FHDC1: variants seen among roughly 807,000 people sequenced by gnomAD.
The protein encoded by FHDC1 is FH2 domain containing 1, also known as FH2 domain-containing protein 1.
Under a neutral mutation model 52.6 loss-of-function variants are expected in FHDC1, and 25 were observed. The observed-to-expected ratio is 0.48, with a 90% confidence interval of 0.35 to 0.66. The LOEUF (loss-of-function observed/expected upper bound fraction) is 0.66, where lower values mean the gene tolerates loss of function less well. Among genes scored for constraint, FHDC1 ranks in the 30% least tolerant of loss-of-function variants. The probability of loss-of-function intolerance (pLI) is 0.01; values close to 1 mark genes in which losing one functional copy is unlikely to be tolerated. For missense variants in FHDC1, 1,459 were observed against 1,452.8 expected (o/e 1.00, Z -0.07); for synonymous variants, 616 against 581.5 (o/e 1.06, Z -0.85).
chr4:152,959,386 A>T (rs1207602980), intron 4 of FHDC1, among the ~76,000 whole-genome samples: 1 of 152,240 alleles, frequency 6.6e-6, no homozygotes, highest in Admixed American at 6.5e-5. Flanking sequence ...TTTTGGCTAT[A>T]TACCTGTTGT....
chr4:152,967,444 A>T (rs543113999), intron 9 of FHDC1, among the ~76,000 whole-genome samples: 1 of 152,084 alleles, frequency 6.6e-6, no homozygotes, highest in East Asian at 1.9e-4. Context: ...AAAAAGTTGC[A>T]CATTTGTTAG....
Position 152,960,546 on chromosome 4 carries a change from C to G in FHDC1, c.664-19C>G, listed in dbSNP as rs1299106513. The stretch of plus-strand genomic sequence containing the variant: ...TCGTAAGTGATTTTATATACCCCCC[C>G]TTTCCATTTGTCTTTTAGGTAAAGA... On this transcript the variant is annotated intron_variant, in intron 4 of 11. Transcript: ENST00000511601. The G allele has an allele frequency of 1.2e-6, 2 of 1,602,372 alleles. No individual in the cohort carries two copies. The highest frequency in any genetic ancestry group is 1.7e-6 in the Non-Finnish European group (2 of 1,170,038).
At chr4:152,949,152 A>AAGAAGAAGAAGAAGAAGC (rs1739843420) in intron 2 of FHDC1, among the ~76,000 whole-genome samples, 1 of 142,764 alleles carries the variant, frequency 7.0e-6, no homozygotes, top group Non-Finnish European at 1.5e-5. Context: ...GAAGAAGAAG[A>AAGAAGAAGAAGAAGAAGC]AGAAGAAGAA....
At chr4:152,913,794 T>G in the FHDC1 span, among the ~76,000 whole-genome samples, 1 of 152,152 alleles carries the variant, frequency 6.6e-6, no homozygotes, top group Non-Finnish European at 1.5e-5. Context: ...TGCTTCTGCC[T>G]CTCAGCCTCC....
At chr4:152,939,840 T>C (rs2149934853) in intron 1 of FHDC1, among the ~76,000 whole-genome samples, 1 of 152,298 alleles carries the variant, frequency 6.6e-6, no homozygotes, top group Admixed American at 6.5e-5. Context: ...GTAGCTGAGA[T>C]CTTACATACA....
chr4:152,920,098 C>A, the FHDC1 span, among the ~76,000 whole-genome samples: 1 of 151,838 alleles, frequency 6.6e-6, no homozygotes, highest in Non-Finnish European at 1.5e-5. Context: ...AAGGTGCCTG[C>A]CACCACAGCT....
the FHDC1 span, among the ~76,000 whole-genome samples, chr4:152,918,623 A>C: frequency 6.6e-6 from 1 of 152,238 alleles, no homozygotes; most frequent in African/African-American, 2.4e-5. Context: ...TGAAGAAAGA[A>C]CTCAATCCAT....
intron 2 of FHDC1, among the ~76,000 whole-genome samples, chr4:152,949,537 A>G (rs1739860601): frequency 6.6e-6 from 1 of 152,242 alleles, no homozygotes; most frequent in African/African-American, 2.4e-5. Context: ...TTTTACCACA[A>G]CTGAAAAAAA....
rs1579096675 is a variant in FHDC1, at chr4:152,962,937, A to G, written c.921+53A>G. ...GTTATGTTTTCAACCTTGTCTATCT[A>G]AAGGTGTGTGTGTGTGTGTGTGTGT... is the stretch of plus-strand genomic sequence containing the variant. On this transcript the variant is annotated intron_variant, in intron 7 of 11. Coordinates refer to ENST00000511601, the MANE Select transcript of FHDC1 (RefSeq NM_001371116.1). 6 of 1,326,384 alleles carry G rather than the reference A, an allele frequency of 4.5e-6. No homozygotes were observed. In the East Asian group the frequency reaches 1.4e-4, roughly 31 times the overall value. The allele number at this position is 1,326,384 out of a possible 1,614,324, so 82.2% of individuals were successfully genotyped here. A position where few individuals can be genotyped will look rare whatever the true frequency, so the allele number is the denominator to read the frequency against.
intron 9 of FHDC1, among the ~76,000 whole-genome samples, chr4:152,966,447 A>G (rs1740458686): frequency 6.6e-6 from 1 of 152,188 alleles, no homozygotes; most frequent in South Asian, 2.1e-4. Flanking sequence ...CAAAACCATC[A>G]TTCACATTCT....
intron 8 of FHDC1, among the ~76,000 whole-genome samples, chr4:152,964,045 T>G (rs1374652102): frequency 2.0e-5 from 3 of 152,042 alleles, no homozygotes; most frequent in African/African-American, 7.2e-5. Flanking sequence ...TGACTGTCCT[T>G]TGCTAGCTCT....
At chr4:152,933,928 T>G (rs948280070), upstream of FHDC1, among the ~76,000 whole-genome samples, 2 of 151,988 alleles carry the variant, frequency 1.3e-5, no homozygotes, top group African/African-American at 4.8e-5. Flanking sequence ...AGGTAGGTAG[T>G]GTGATGAAAT....
At chr4:152,940,016 CCTGGAG>C (rs1561201015) in intron 1 of FHDC1, among the ~76,000 whole-genome samples, 1 of 152,244 alleles carries the variant, frequency 6.6e-6, no homozygotes, top group Non-Finnish European at 1.5e-5. Flanking sequence ...TCCTAGCGTA[CCTGGAG>C]AGTGTGTGTT....
chr4:152,978,764 T>C lies in FHDC1; in HGVS notation c.*2041T>C, dbSNP rs1740987120. ...ATGCGTTTGTGGGGAATCCACGTGG[T>C]TGACGTTAGAACCTCCCTTCTGCAG... On this transcript the variant is annotated 3_prime_UTR_variant, in exon 12 of 12. Transcript: ENST00000511601. 6.6e-6 allele frequency: 1 copy of C among 152,186 alleles called. No homozygotes were observed. Among genetic ancestry groups the C allele is most frequent in the Non-Finnish European group, 1.5e-5 (1 of 68,040 alleles). The allele number at this position is 152,186 out of a possible 1,614,324, so 9.4% of individuals were successfully genotyped here. A position where few individuals can be genotyped will look rare whatever the true frequency, so the allele number is the denominator to read the frequency against.
chr4:152,942,807 TTG>T, intron 1 of FHDC1, 119 bp from the exon 2 acceptor site: 2 of 444,662 alleles, frequency 4.5e-6, no homozygotes, highest in Admixed American at 3.9e-5. Context: ...TTGGGATGTG[TTG>T]CCCCTCATTG....
rs1297616936 is a variant in FHDC1, at chr4:152,976,683, G to T, written c.3392G>T (p.Arg1131Leu). ...TCCCTCCGTCGGAAGGACTCCAGTC[G>T]GACCACGCTGGGGAGAATCCTCAAT... ...RASLRRKDSS[R>L]TTLGRILNPL... The change falls in exon 12 of 12, where the codon CGG becomes CTG. Residue 1131 changes from arginine to leucine, a missense_variant. Coordinates refer to ENST00000511601, the MANE Select transcript of FHDC1 (RefSeq NM_001371116.1). 11 of 1,534,108 alleles carry T rather than the reference G, an allele frequency of 7.2e-6. No homozygotes were observed. The highest frequency in any genetic ancestry group is 8.8e-6 in the Non-Finnish European group (10 of 1,140,934).
At chr4:152,931,704 GA>G (rs1739255273), upstream of FHDC1, among the ~76,000 whole-genome samples, 1 of 152,004 alleles carries the variant, frequency 6.6e-6, no homozygotes, top group Admixed American at 6.6e-5. Flanking sequence ...AAATGTCATT[GA>G]TGCTACCTTA....
chr4:152,926,217 G>A, the FHDC1 span, among the ~76,000 whole-genome samples: 2 of 145,060 alleles, frequency 1.4e-5, no homozygotes, highest in African/African-American at 5.1e-5. Flanking sequence ...ACAAACCAAG[G>A]TCCTAGGAGG....
upstream of FHDC1, among the ~76,000 whole-genome samples, chr4:152,931,931 T>A (rs1201086737): frequency 9.0e-6 from 1 of 110,870 alleles, no homozygotes; most frequent in African/African-American, 4.1e-5. Flanking sequence ...AGCGAGAACC[T>A]GTCTAAAAAA....
Sources: gnomAD v4.1 joint callset for allele counts (sites outside exome capture counted in the v4.1 genomes callset) on GRCh38, gnomAD v4.1.1 for gene constraint, MANE v1.5 for transcripts, NCBI Gene and HGNC (gene_info 2026-07-23, HGNC 2026-07-21) for gene names.